Variants in EPS15 observed in about 807,000 individuals in gnomAD.
EPS15 encodes epidermal growth factor receptor substrate 15.
EPS15 carries 72 observed loss-of-function variants against 113.8 expected under a neutral mutation model. The observed-to-expected ratio is 0.63, with a 90% CI of 0.52 to 0.77. The LOEUF (loss-of-function observed/expected upper bound fraction) is 0.77, where lower values mean the gene tolerates loss of function less well. Ranked by LOEUF, EPS15 falls within the 30% of genes least tolerant of loss-of-function variation. The pLI, the probability that EPS15 is intolerant of heterozygous loss-of-function variation, is 0.00. For missense variants in EPS15, 1,048 were observed against 1,045.8 expected (o/e 1.00, Z -0.03); for synonymous variants, 344 against 363.4 (o/e 0.95, Z 0.61).
chr1:51,391,402 C>T (rs1208380388), intron 21 of EPS15, among the ~76,000 whole-genome samples: 1 of 151,720 alleles, frequency 6.6e-6, no homozygotes, highest in Non-Finnish European at 1.5e-5. Flanking sequence ...CAGCATGGCA[C>T]ATGTATACAT....
At chr1:51,489,278 T>C (rs891062823) in intron 1 of EPS15, among the ~76,000 whole-genome samples, 12 of 147,128 alleles carry the variant, frequency 8.2e-5, no homozygotes, top group Non-Finnish European at 1.7e-4. Flanking sequence ...AAGTATAGCC[T>C]AGTATACCAT....
At chr1:51,372,415 C>A in intron 21 of EPS15, 1 of 534,948 alleles carries the variant, frequency 1.9e-6, no homozygotes, top group Non-Finnish European at 3.8e-6. Context: ...CTTGATGTAT[C>A]CAACAGTTCT....
At chr1:51,454,932 AG>A (rs201030785) in intron 8 of EPS15, among the ~76,000 whole-genome samples, 2,895 of 151,646 alleles carry the variant, frequency 0.019, 46 homozygotes, top group Non-Finnish European at 0.031. Context: ...AAAGTTCATT[AG>A]GAAAAAAAAA....
chr1:51,465,100 A>G (rs762539868), intron 6 of EPS15, among the ~76,000 whole-genome samples, 161 bp downstream of exon 6: 2 of 152,238 alleles, frequency 1.3e-5, no homozygotes, highest in Admixed American at 1.3e-4. Context: ...AACAACTGAC[A>G]GAGCCGAAAG....
At chr1:51,460,814 C>T (rs757664781) in intron 8 of EPS15, 10 of 308,812 alleles carry the variant, frequency 3.2e-5, no homozygotes, top group South Asian at 1.4e-4. Flanking sequence ...ATTAGCTGGG[C>T]GTGGTGGCAT....
chr1:51,431,097 T>C (rs1285527913), intron 12 of EPS15, among the ~76,000 whole-genome samples: 1 of 152,072 alleles, frequency 6.6e-6, no homozygotes, highest in Non-Finnish European at 1.5e-5. Context: ...AAATATTTAT[T>C]AAATGTCTAC....
chr1:51,375,163 G>A lies in EPS15; in HGVS notation c.2120-9134C>T, dbSNP rs111630793. Among the ~76,000 whole-genome samples, 1,138 of 151,528 alleles carry A rather than the reference G, an allele frequency of 7.5e-3. 15 individuals carry two copies. Among genetic ancestry groups the A allele is most frequent in the African/African-American group, 0.026 (1,087 of 41,270 alleles). ...ACTACAGGTGCCCGCCACCACGCCC[G>A]GCTAATTTTTTGTATTTTTAGTAGA... On this transcript the variant is annotated intron_variant, in intron 21 of 24. Coordinates refer to ENST00000371733, the MANE Select transcript of EPS15 (RefSeq NM_001981.3).
At chr1:51,399,422 C>T (rs550213759) in intron 19 of EPS15, among the ~76,000 whole-genome samples, 5 of 151,980 alleles carry the variant, frequency 3.3e-5, no homozygotes, top group Non-Finnish European at 5.9e-5. Flanking sequence ...CATGGTGGTG[C>T]GCACCTATAG....
At position 51,472,892 on chromosome 1, in the gene EPS15, T is replaced by C; in HGVS notation, c.132A>G (p.Lys44=). 1.2e-6 allele frequency: 2 copies of C among 1,613,820 alleles called. No homozygotes were observed. Among genetic ancestry groups the C allele is most frequent in the Non-Finnish European group, 1.7e-6 (2 of 1,179,752 alleles). Residue 44 remains lysine, a synonymous_variant, in exon 3 of 25, where the codon AAA becomes AAG. Coordinates refer to ENST00000371733, the MANE Select transcript of EPS15 (RefSeq NM_001981.3). ...GTATCAAGTCTGGAAGCCCTGATTTTTTCAGGAAAGCAGCAGCATCAGAAG... is the reference window on the plus strand; with the variant it reads ...GTATCAAGTCTGGAAGCCCTGATTTCTTCAGGAAAGCAGCAGCATCAGAAG... ...VLASDAAAFL[K]KSGLPDLILG...
In EPS15 at chr1:51,356,783, T is replaced by C; in HGVS notation, c.2608A>G (p.Arg870Gly). 1 of 1,613,926 alleles carries C rather than the reference T, an allele frequency of 6.2e-7. No individual in the cohort carries two copies. The highest frequency in any genetic ancestry group is 8.5e-7 in the Non-Finnish European group (1 of 1,179,814). Reference sequence around the variant, plus strand: ...TCCTGCTGATTTAGTCGGGCAAGCCTCTGCTCTTCCTCTCTCTCACTTTCC... The same window carrying C: ...TCCTGCTGATTTAGTCGGGCAAGCCCCTGCTCTTCCTCTCTCTCACTTTCC... ...KRESEREEEQ[R>G]LARLNQQEQE... Residue 870 changes from arginine (R) to glycine (G), a missense_variant, in exon 25 of 25, where the codon AGG becomes GGG. Arg to Gly is a moderately radical substitution (Grantham distance 125). Coordinates refer to ENST00000371733, the MANE Select transcript of EPS15 (RefSeq NM_001981.3).
intron 15 of EPS15, among the ~76,000 whole-genome samples, chr1:51,406,417 G>T (rs1649135133): frequency 6.6e-6 from 1 of 152,138 alleles, no homozygotes; most frequent in Admixed American, 6.5e-5. Flanking sequence ...CAAGGCTGCA[G>T]TGAGCCATGA....
intron 21 of EPS15, among the ~76,000 whole-genome samples, chr1:51,382,707 C>T (rs557731146): frequency 2.8e-4 from 42 of 152,316 alleles, no homozygotes; most frequent in Non-Finnish European, 5.4e-4. Flanking sequence ...GCGTGAGCCA[C>T]TGTGCCCGGC....
chr1:51,364,096 G>T, intron 22 of EPS15, 68 bp from the exon 23 acceptor site: 1 of 1,200,626 alleles, frequency 8.3e-7, no homozygotes, highest in Non-Finnish European at 1.2e-6. Context: ...GTAGCATTCA[G>T]AATAATGATT....
At chr1:51,469,426 G>A (rs1185453618) in intron 4 of EPS15, among the ~76,000 whole-genome samples, 2 of 152,040 alleles carry the variant, frequency 1.3e-5, no homozygotes, top group African/African-American at 4.8e-5. Flanking sequence ...AAAAGTCCTT[G>A]GATTTTTAGC....
intron 21 of EPS15, among the ~76,000 whole-genome samples, chr1:51,385,743 C>T (rs886114405): frequency 1.3e-5 from 2 of 152,090 alleles, no homozygotes; most frequent in Non-Finnish European, 2.9e-5. Flanking sequence ...AAATTCAATA[C>T]ATTATACCAT....
chr1:51,497,761 G>A (rs544015551), intron 1 of EPS15, among the ~76,000 whole-genome samples: 5 of 152,170 alleles, frequency 3.3e-5, no homozygotes, highest in Admixed American at 6.5e-5. Flanking sequence ...GGCGGATCAC[G>A]AGGTCAACAG....
At chr1:51,489,303 ATATG>A (rs1271674004) in intron 1 of EPS15, among the ~76,000 whole-genome samples, 20 of 140,086 alleles carry the variant, frequency 1.4e-4, no homozygotes, top group Admixed American at 1.0e-3. Context: ...ATATATATAT[ATATG>A]TATGTATGTA....
At chr1:51,509,162 G>C (rs1644575385) in intron 1 of EPS15, among the ~76,000 whole-genome samples, 1 of 152,216 alleles carries the variant, frequency 6.6e-6, no homozygotes, top group East Asian at 1.9e-4. Context: ...TACTAGAGTA[G>C]TGACACACAG....
intron 23 of EPS15, 133 bp downstream of exon 23, chr1:51,363,733 T>C (rs1646441339): frequency 1.4e-6 from 1 of 691,352 alleles, no homozygotes; most frequent in African/African-American, 1.8e-5. Flanking sequence ...TCAGAATGAA[T>C]GACAGCAGCA....
Sources: gnomAD v4.1 joint callset for allele counts (sites outside exome capture counted in the v4.1 genomes callset) on GRCh38, gnomAD v4.1.1 for gene constraint, MANE v1.5 for transcripts, NCBI Gene and HGNC (gene_info 2026-07-23, HGNC 2026-07-21) for gene names.